The following SEMA6D variants were observed in gnomAD, a reference collection of about 807,000 sequenced individuals.
SEMA6D encodes the protein semaphorin-6D.
A neutral mutation model predicts 106.6 loss-of-function variants in SEMA6D; 35 were observed. The observed-to-expected ratio is 0.33, with a 90% CI of 0.25 to 0.44. The LOEUF is 0.44. Ranked by LOEUF, SEMA6D falls within the 20% of genes least tolerant of loss-of-function variation. The pLI, the probability that SEMA6D is intolerant of heterozygous loss-of-function variation, is 1.00. For missense variants in SEMA6D, 1,185 were observed against 1,345.9 expected, an observed-to-expected ratio of 0.88 and a Z score of 1.87; for synonymous variants, 499 against 487.7, an observed-to-expected ratio of 1.02 and a Z score of -0.31.
intron 2 of SEMA6D, among the ~76,000 whole-genome samples, chr15:47,453,098 T>A (rs560134052): frequency 6.6e-6 from 1 of 152,064 alleles, no homozygotes; most frequent in South Asian, 2.1e-4. Context: ...TTGAAATGAT[T>A]TTTAAAAACA....
intron 1 of SEMA6D, among the ~76,000 whole-genome samples, chr15:47,371,620 T>G (rs1374558070): frequency 6.6e-6 from 1 of 152,134 alleles, no homozygotes; most frequent in Admixed American, 6.5e-5. Context: ...ACTATTTCTG[T>G]CCCTGCATAT....
intron 1 of SEMA6D, among the ~76,000 whole-genome samples, chr15:47,254,306 T>C (rs942050802): frequency 1.8e-5 from 2 of 112,284 alleles, no homozygotes; most frequent in East Asian, 4.2e-4. Context: ...GATGTGTATA[T>C]ATATGTATAT....
intron 2 of SEMA6D, among the ~76,000 whole-genome samples, chr15:47,427,057 G>A (rs544630039): frequency 8.5e-5 from 13 of 152,252 alleles, no homozygotes; most frequent in East Asian, 5.8e-4. Context: ...GTTATAAGAC[G>A]TATTTGCATT....
chr15:47,311,795 C>A (rs1229153756), intron 1 of SEMA6D, among the ~76,000 whole-genome samples: 1 of 152,182 alleles, frequency 6.6e-6, no homozygotes, highest in Non-Finnish European at 1.5e-5. Flanking sequence ...TGGGAAATCT[C>A]TTTCGGTGAG....
chr15:47,661,708 T>C (rs2077923106), intron 4 of SEMA6D, among the ~76,000 whole-genome samples: 1 of 152,202 alleles, frequency 6.6e-6, no homozygotes, highest in East Asian at 1.9e-4. Flanking sequence ...TAGAGTCCTT[T>C]TGTGCAAAGC....
chr15:47,261,521 C>T lies in SEMA6D; in HGVS notation c.-239+77103C>T, dbSNP rs1019532829. Among the ~76,000 whole-genome samples, 27 of 152,052 alleles carry T rather than the reference C, an allele frequency of 1.8e-4. No homozygotes were observed. The East Asian group carries it at 2.9e-3, about 16-fold the overall frequency. ...ATTTGATTTTGCTTTTTAATGGCTT[C>T]GTTGATATATACATCACCCATTTAA... On this transcript the variant is annotated intron_variant, in intron 1 of 19. Coordinates refer to the SEMA6D transcript ENST00000558014.
At chr15:47,463,193 T>G (rs1430299426) in intron 2 of SEMA6D, among the ~76,000 whole-genome samples, 1 of 152,172 alleles carries the variant, frequency 6.6e-6, no homozygotes, top group Non-Finnish European at 1.5e-5. Flanking sequence ...AATTGCAAGC[T>G]GGGTTCCACA....
chr15:47,448,200 A>G (rs2042084766), intron 2 of SEMA6D, among the ~76,000 whole-genome samples: 1 of 151,766 alleles, frequency 6.6e-6, no homozygotes, highest in Non-Finnish European at 1.5e-5. Flanking sequence ...CTTTGTACTT[A>G]CCCCCAACCC....
intron 1 of SEMA6D, among the ~76,000 whole-genome samples, chr15:47,295,126 G>T (rs963006370): frequency 1.3e-5 from 2 of 152,148 alleles, no homozygotes; most frequent in Non-Finnish European, 2.9e-5. Flanking sequence ...TAGCTGAAAG[G>T]CCTGTGTTTA....
At chr15:47,355,258 A>C (rs1441036422) in intron 1 of SEMA6D, among the ~76,000 whole-genome samples, 5 of 152,206 alleles carry the variant, frequency 3.3e-5, no homozygotes, top group African/African-American at 9.6e-5. Context: ...AAGAGGACTA[A>C]GAAACTAAAA....
At chr15:47,647,610 G>GTTTATCTC (rs2077604515) in intron 4 of SEMA6D, among the ~76,000 whole-genome samples, 1 of 151,712 alleles carries the variant, frequency 6.6e-6, no homozygotes, top group South Asian at 2.1e-4. Context: ...AATCAGCCTG[G>GTTTATCTC]TTAATTGCAG....
At position 47,378,664 on chromosome 15, in the gene SEMA6D, G is replaced by A. The variant is rs565968351; in HGVS notation, c.-238-33729G>A. On this transcript the variant is annotated intron_variant, in intron 1 of 19. Transcript: ENST00000558014. ...CCAAGTGCTGCCTCCAAACCCTAAG[G>A]TGCTATGGTTTGGAAAGATAAAATT... Among the ~76,000 whole-genome samples the A allele has an allele frequency of 3.3e-5, 5 of 152,278 alleles. No homozygotes were observed. In the South Asian group the frequency reaches 1.0e-3, roughly 32 times the overall value.
intron 1 of SEMA6D, among the ~76,000 whole-genome samples, chr15:47,406,368 A>G (rs1808149498): frequency 6.6e-6 from 1 of 152,168 alleles, no homozygotes; most frequent in Non-Finnish European, 1.5e-5. Flanking sequence ...ACTTATCCCC[A>G]CTGAGACTTC....
chr15:47,440,253 G>A (rs1421722645), intron 2 of SEMA6D, among the ~76,000 whole-genome samples: 1 of 151,988 alleles, frequency 6.6e-6, no homozygotes, highest in Non-Finnish European at 1.5e-5. Context: ...TCAAAAGATG[G>A]CTTCCATGAG....
intron 3 of SEMA6D, among the ~76,000 whole-genome samples, chr15:47,480,729 C>T (rs1326152050): frequency 6.6e-6 from 1 of 152,118 alleles, no homozygotes; most frequent in African/African-American, 2.4e-5. Context: ...TTCTTAGACC[C>T]ATCTCATCAG....
chr15:47,769,412 G>GTTATAT (rs2082516820), intron 18 of SEMA6D, among the ~76,000 whole-genome samples: 1 of 152,014 alleles, frequency 6.6e-6, no homozygotes, highest in Non-Finnish European at 1.5e-5. Flanking sequence ...ATTTATATCG[G>GTTATAT]TTGATTTTCA....
intron 1 of SEMA6D, among the ~76,000 whole-genome samples, chr15:47,368,516 G>C (rs2039146771): frequency 6.6e-6 from 1 of 151,944 alleles, no homozygotes; most frequent in South Asian, 2.1e-4. Flanking sequence ...TGTCGCCCAG[G>C]CTGGAGTGCA....
At chr15:47,327,533 T>G (rs1350286221) in intron 1 of SEMA6D, among the ~76,000 whole-genome samples, 2 of 152,264 alleles carry the variant, frequency 1.3e-5, no homozygotes, top group African/African-American at 4.8e-5. Flanking sequence ...AGTAGGAAGC[T>G]TATCTTTGTA....
intron 1 of SEMA6D, among the ~76,000 whole-genome samples, chr15:47,224,192 AT>A (rs1335391559): frequency 2.6e-5 from 4 of 151,694 alleles, no homozygotes; most frequent in African/African-American, 9.7e-5. Flanking sequence ...ATAAAATTAA[AT>A]TTAAAAAAAA....
Sources: gnomAD v4.1 joint callset for allele counts (sites outside exome capture counted in the v4.1 genomes callset) on GRCh38, gnomAD v4.1.1 for gene constraint, MANE v1.5 for transcripts, NCBI Gene and HGNC (gene_info 2026-07-23, HGNC 2026-07-21) for gene names.